PTGER4: variants seen among roughly 807,000 people sequenced by gnomAD.
The protein encoded by PTGER4 is prostaglandin E receptor 4, also known as prostaglandin E2 receptor EP4 subtype.
PTGER4 carries 11 observed loss-of-function variants against 33.2 expected under a neutral mutation model. The ratio of observed to expected loss-of-function variants is 0.33; its 90% confidence interval spans 0.21 to 0.55. The LOEUF (loss-of-function observed/expected upper bound fraction) is 0.55, where lower values mean the gene tolerates loss of function less well. Among genes scored for constraint, PTGER4 ranks in the 20% least tolerant of loss-of-function variants. PTGER4 has a pLI of 0.92. For synonymous variants in PTGER4, 275 were observed against 281.5 expected (o/e 0.98, Z 0.23); for missense variants, 481 against 650.2 (o/e 0.74, Z 2.83).
downstream of PTGER4, among the ~76,000 whole-genome samples, chr5:40,698,471 C>T (rs1358296867): frequency 6.6e-6 from 1 of 152,032 alleles, no homozygotes; most frequent in Non-Finnish European, 1.5e-5. Context: ...AGTGAAACCA[C>T]AATAATATAC....
At chr5:40,741,791 C>G in the PTGER4 span, among the ~76,000 whole-genome samples, 1 of 152,138 alleles carries the variant, frequency 6.6e-6, no homozygotes, top group Non-Finnish European at 1.5e-5. Context: ...GAGTTCAAGA[C>G]CAGCCTGGCC....
At chr5:40,734,529 C>T in the PTGER4 span, among the ~76,000 whole-genome samples, 1 of 152,094 alleles carries the variant, frequency 6.6e-6, no homozygotes, top group African/African-American at 2.4e-5. Flanking sequence ...TGAGATAATG[C>T]CCTATACTGA....
Position 40,691,826 on chromosome 5 carries a change from A to G in PTGER4, c.915A>G (p.Glu305=). 1 of 1,614,232 alleles carries G rather than the reference A, an allele frequency of 6.2e-7. No individual in the cohort carries two copies. The highest frequency in any genetic ancestry group is 8.5e-7 in the Non-Finnish European group (1 of 1,180,022). The change falls in exon 3 of 3, where the codon GAA becomes GAG. Residue 305 remains glutamate (E), a synonymous_variant. Transcript: ENST00000302472. This position sits in a 1 kb window ranked among gnomAD's most constrained non-coding sequence, Gnocchi z 4.2. ...TATATCAGCCAAGTTTGGAGCGAGA[A>G]GTCAGTAAAAATCCAGATTTGCAGG... The part of the protein sequence containing the change: ...NQLYQPSLER[E]VSKNPDLQAI...
intron 2 of PTGER4, among the ~76,000 whole-genome samples, chr5:40,687,264 C>T (rs750268153): frequency 3.9e-5 from 6 of 152,130 alleles, no homozygotes; most frequent in Non-Finnish European, 8.8e-5. Flanking sequence ...AGGCTGGTCT[C>T]AAACTCCTGA....
the PTGER4 span, among the ~76,000 whole-genome samples, chr5:40,711,001 C>T: frequency 6.6e-6 from 1 of 152,046 alleles, no homozygotes; most frequent in Non-Finnish European, 1.5e-5. Context: ...GGGTGCAGCA[C>T]AGCAACATGG....
At position 40,691,636 on chromosome 5, in the gene PTGER4, CTTA is replaced by C; in HGVS notation, c.868-138_868-136del. 8.3e-7 allele frequency: 1 copy of C among 1,207,750 alleles called. No individual in the cohort carries two copies. The highest frequency in any genetic ancestry group is 1.1e-6 in the Non-Finnish European group (1 of 877,198). The allele number at this position is 1,207,750 out of a possible 1,614,324, so 74.8% of individuals were successfully genotyped here. A position where few individuals can be genotyped will look rare whatever the true frequency, so the allele number is the denominator to read the frequency against. On this transcript the variant is annotated intron_variant, in intron 2 of 2. Transcript: ENST00000302472. This position sits in a 1 kb window ranked among gnomAD's most constrained non-coding sequence, Gnocchi z 4.2. ...CAGCCCATGACTGGTTTTTCTGAGGCTTATTATGTAGCTTCCTCTTTTCCTGGA... is the reference window on the plus strand; with the variant it reads ...CAGCCCATGACTGGTTTTTCTGAGGCTTATGTAGCTTCCTCTTTTCCTGGA...
the PTGER4 span, among the ~76,000 whole-genome samples, chr5:40,702,485 C>A: frequency 6.6e-6 from 1 of 152,180 alleles, no homozygotes; most frequent in African/African-American, 2.4e-5. Flanking sequence ...TATATATGCA[C>A]CCAAGACAGG....
rs28569300 is a variant in PTGER4 at position 40,691,563 on chromosome 5, A to G, written c.868-216A>G. On this transcript the variant is annotated intron_variant, in intron 2 of 2. Transcript: ENST00000302472. This position sits in a 1 kb window ranked among gnomAD's most constrained non-coding sequence, Gnocchi z 4.2. ...ACTCCTGACCTCAAGTGATCCTCCC[A>G]CCTCGGCCTCCCAAAGTGCTGGGAT... Among the ~76,000 whole-genome samples, 102,904 of 151,776 alleles carry G rather than the reference A, an allele frequency of 0.68. 34,961 individuals are homozygous for G. Among genetic ancestry groups the G allele is most frequent in the East Asian group, 0.8 (4,116 of 5,146 alleles).
At chr5:40,743,717 T>C in the PTGER4 span, among the ~76,000 whole-genome samples, 1 of 152,088 alleles carries the variant, frequency 6.6e-6, no homozygotes, top group Admixed American at 6.6e-5. Context: ...GAGGTTGCAG[T>C]GAGCCAAGAT....
At chr5:40,746,227 G>C in the PTGER4 span, among the ~76,000 whole-genome samples, 2 of 151,866 alleles carry the variant, frequency 1.3e-5, no homozygotes, top group Non-Finnish European at 2.9e-5. Flanking sequence ...GTAAGAAAAA[G>C]AGGAAAGGAA....
chr5:40,690,066 A>G (rs984223650), intron 2 of PTGER4, among the ~76,000 whole-genome samples: 1 of 152,172 alleles, frequency 6.6e-6, no homozygotes, highest in Non-Finnish European at 1.5e-5. Flanking sequence ...GAGGCTGAAC[A>G]TGGTGGCTCA....
At chr5:40,685,510 C>T (rs1741301621) in intron 2 of PTGER4, 3 of 963,164 alleles carry the variant, frequency 3.1e-6, no homozygotes, top group East Asian at 1.1e-4. Context: ...ATCTAAAAGA[C>T]TGGATTTGTT....
the PTGER4 span, among the ~76,000 whole-genome samples, chr5:40,729,856 G>A: frequency 6.6e-6 from 1 of 152,020 alleles, no homozygotes; most frequent in South Asian, 2.1e-4. Flanking sequence ...GTGCCACCAC[G>A]CCCAGCTAAT....
the PTGER4 span, among the ~76,000 whole-genome samples, chr5:40,726,065 T>G: frequency 1.3e-5 from 2 of 151,542 alleles, no homozygotes; most frequent in South Asian, 2.1e-4. Context: ...GATTACAGAC[T>G]TGAGCCACCG....
chr5:40,679,946 A>C lies in PTGER4; in HGVS notation c.-576A>C, dbSNP rs1033374800. 3 of 152,666 alleles carry C rather than the reference A, an allele frequency of 2.0e-5. No homozygotes were observed. Among genetic ancestry groups the C allele is most frequent in the African/African-American group, 7.2e-5 (3 of 41,472 alleles). The allele number at this position is 152,666 out of a possible 1,614,324, so 9.5% of individuals were successfully genotyped here. A position where few individuals can be genotyped will look rare whatever the true frequency, so the allele number is the denominator to read the frequency against. ...GGTGGAAAGGCGAGAGCGGAGCTCC[A>C]AGCCCGGCAGCCCGAGAGGAAGATG... On this transcript the variant is annotated 5_prime_UTR_variant, in exon 1 of 3. Coordinates refer to ENST00000302472, the MANE Select transcript of PTGER4 (RefSeq NM_000958.3).
the PTGER4 span, chr5:40,716,352 T>C: frequency 6.2e-7 from 1 of 1,614,182 alleles, no homozygotes; most frequent in Admixed American, 1.7e-5. Flanking sequence ...GTGAAAAGTG[T>C]GTTACTTCAG....
rs1307288554 is a variant in PTGER4 at position 40,681,381 on chromosome 5, T to A, written c.388T>A (p.Tyr130Asn). 1 of 1,614,014 alleles carries A rather than the reference T, an allele frequency of 6.2e-7. No individual in the cohort carries two copies. Among genetic ancestry groups the A allele is most frequent in the East Asian group, 2.2e-5 (1 of 44,878 alleles). The change falls in exon 2 of 3, where the codon TAC becomes AAC. Residue 130 changes from tyrosine (Y) to asparagine (N), a missense_variant. Tyr to Asn is a moderately radical substitution (Grantham distance 143). Transcript: ENST00000302472. The surrounding 1 kb of genome is among the most constrained non-coding windows in gnomAD (Gnocchi z 9.8). ...AINHAYFYSH[Y>N]VDKRLAGLTL... is the part of the protein sequence containing the mutation. ...CAACCATGCCTATTTCTACAGCCAC[T>A]ACGTGGACAAGCGATTGGCGGGCCT...
the PTGER4 span, among the ~76,000 whole-genome samples, chr5:40,733,712 G>A: frequency 2.0e-5 from 3 of 152,248 alleles, no homozygotes; most frequent in African/African-American, 7.2e-5. Flanking sequence ...CTGTCTTGCT[G>A]AAAATACCAC....
chr5:40,731,966 C>T, the PTGER4 span, among the ~76,000 whole-genome samples: 40 of 152,116 alleles, frequency 2.6e-4, no homozygotes, highest in Non-Finnish European at 4.1e-4. Context: ...ATTATTTTCC[C>T]AAAAAGTTAA....
Sources: gnomAD v4.1 joint callset for allele counts (sites outside exome capture counted in the v4.1 genomes callset) on GRCh38, gnomAD v4.1.1 for gene constraint, Gnocchi (gnomAD v3.1) non-coding constraint, MANE v1.5 for transcripts, NCBI Gene and HGNC (gene_info 2026-07-23, HGNC 2026-07-21) for gene names.